The following MDN1 variants were observed in gnomAD, a reference collection of about 807,000 sequenced individuals.
The protein encoded by MDN1 is midasin.
A neutral mutation model predicts 669.2 loss-of-function variants in MDN1; 266 were observed. That is an observed-to-expected ratio of 0.40 (90% CI 0.36 to 0.44). The LOEUF is 0.44. MDN1 is among the 20% of genes least tolerant of loss of function. The probability of loss-of-function intolerance (pLI) is 1.00; values close to 1 mark genes in which losing one functional copy is unlikely to be tolerated. For missense variants in MDN1, 5,940 were observed against 6,754.0 expected (o/e 0.88, Z 4.22); for synonymous variants, 2,385 against 2,457.1 (o/e 0.97, Z 0.87).
Position 89,642,552 on chromosome 6 carries a change from T to G in MDN1, c.*1453A>C, listed in dbSNP as rs575164389. 1 of 152,348 alleles carries G rather than the reference T, an allele frequency of 6.6e-6. No homozygotes were observed. Among genetic ancestry groups the G allele is most frequent in the East Asian group, 1.9e-4 (1 of 5,184 alleles). The allele number at this position is 152,348 out of a possible 1,614,324, so 9.4% of individuals were successfully genotyped here. ...AGCCTCCTTATAAGGCTACACCAAC[T>G]CATCCTTTTCATTCTGCTGCAAAGC... On this transcript the variant is annotated 3_prime_UTR_variant, in exon 102 of 102. Transcript: ENST00000369393.
intron 66 of MDN1, 100 bp downstream of exon 66, chr6:89,688,473 G>A (rs1812166936): frequency 9.7e-7 from 1 of 1,031,870 alleles, no homozygotes; most frequent in Admixed American, 2.5e-5. Flanking sequence ...TTGTTTATAT[G>A]TATATATGTG....
Position 89,727,860 on chromosome 6 carries a change from C to T in MDN1, c.5445G>A (p.Lys1815=), listed in dbSNP as rs780569160. 6.2e-7 allele frequency: 1 copy of T among 1,614,010 alleles called. No individual in the cohort carries two copies. The highest frequency in any genetic ancestry group is 1.1e-5 in the South Asian group (1 of 91,080). Residue 1815 remains lysine, a synonymous_variant, in exon 37 of 102, where the codon AAG becomes AAA. Coordinates refer to ENST00000369393, the MANE Select transcript of MDN1 (RefSeq NM_014611.3). ...WRDGPLLAAL[K]AGHWVVLDEL... ...CATCCAACACCACCCAATGGCCTGC[C>T]TTCAAAGCTGCCAGTAAGGGGCCAT...
intron 2 of MDN1, among the ~76,000 whole-genome samples, chr6:89,802,176 C>T (rs1055252402): frequency 3.9e-5 from 6 of 152,046 alleles, no homozygotes; most frequent in African/African-American, 4.8e-5. Flanking sequence ...CTCAGAGTCC[C>T]GATCTTTACT....
At chr6:89,798,006 C>T (rs1271271024) in intron 2 of MDN1, 1 of 154,566 alleles carries the variant, frequency 6.5e-6, no homozygotes, top group Non-Finnish European at 1.4e-5. Flanking sequence ...CGGTGAAACC[C>T]CATCTCTACT....
At position 89,667,991 on chromosome 6, in the gene MDN1, T is replaced by C. The variant is rs367916115; in HGVS notation, c.14094+23A>G. On this transcript the variant is annotated intron_variant, in intron 84 of 101. Coordinates refer to ENST00000369393, the MANE Select transcript of MDN1 (RefSeq NM_014611.3). ...AGAAAGAGAGTGATCTTCTGTCAAC[T>C]GTATACCTATGTGAAAACGTACCTG... The C allele has an allele frequency of 3.1e-6, 5 of 1,612,280 alleles. No individual in the cohort carries two copies. The African/African-American group carries it at 6.7e-5, about 22-fold the overall frequency.
chr6:89,657,692 C>T (rs936527790), intron 90 of MDN1, among the ~76,000 whole-genome samples: 3 of 152,120 alleles, frequency 2.0e-5, no homozygotes, highest in Non-Finnish European at 2.9e-5. Context: ...TAAATACAGC[C>T]GATATTCCGG....
rs781466607 is a variant in MDN1, at chr6:89,692,989, G to A, written c.10041C>T (p.Leu3347=). ...TGTGGAGGGCCTGCAGAAGCCGTGT[G>A]AGCAGATCCTGAACAGCAGGGGCCT... ...IAKAPAVQDL[L]TRLLQALHID... Residue 3347 remains leucine (L), a synonymous_variant, in exon 63 of 102, where the codon CTC becomes CTT. Transcript: ENST00000369393. 1 of 1,614,104 alleles carries A rather than the reference G, an allele frequency of 6.2e-7. No individual in the cohort carries two copies. The highest frequency in any genetic ancestry group is 8.5e-7 in the Non-Finnish European group (1 of 1,180,040).
intron 34 of MDN1, among the ~76,000 whole-genome samples, chr6:89,731,568 A>T (rs1297960230): frequency 2.6e-5 from 4 of 151,816 alleles, no homozygotes; most frequent in Admixed American, 2.6e-4. Context: ...ATGAGAACAC[A>T]TGGACACAGG....
At chr6:89,766,162 G>C (rs1817790853) in intron 15 of MDN1, among the ~76,000 whole-genome samples, 1 of 152,104 alleles carries the variant, frequency 6.6e-6, no homozygotes, top group African/African-American at 2.4e-5. Flanking sequence ...AGCCGGGCCT[G>C]GTGGCGGGCC....
chr6:89,689,514 C>G (rs6454770), intron 65 of MDN1, among the ~76,000 whole-genome samples: 135,302 of 152,222 alleles, frequency 0.89, 60,454 homozygotes, highest in East Asian at 1. Context: ...TATTTCATTT[C>G]AAAAGCACTA....
chr6:89,768,047 AC>A (rs1449544441), intron 15 of MDN1, among the ~76,000 whole-genome samples: 1 of 152,050 alleles, frequency 6.6e-6, no homozygotes, highest in Non-Finnish European at 1.5e-5. Context: ...CAAAAAAAAA[AC>A]AAAAATAATT....
intron 9 of MDN1, among the ~76,000 whole-genome samples, chr6:89,782,913 A>G (rs2128324925): frequency 6.6e-6 from 1 of 152,272 alleles, no homozygotes; most frequent in South Asian, 2.1e-4. Flanking sequence ...CCCAAATAAT[A>G]CTTTTATAAT....
chr6:89,786,924 C>CAAA (rs35077997), intron 8 of MDN1, among the ~76,000 whole-genome samples: 7 of 76,576 alleles, frequency 9.1e-5, no homozygotes, highest in South Asian at 4.6e-4. Context: ...GACTCCATCT[C>CAAA]AAAAAAAAAA....
At chr6:89,773,066 T>G (rs986847348) in intron 13 of MDN1, among the ~76,000 whole-genome samples, 1 of 152,202 alleles carries the variant, frequency 6.6e-6, no homozygotes, top group Non-Finnish European at 1.5e-5. Flanking sequence ...AGTACCTAGT[T>G]GTAATAGGTT....
chr6:89,722,967 C>G lies in MDN1; in HGVS notation c.5955G>C (p.Glu1985Asp), dbSNP rs1324059705. 6.3e-7 allele frequency: 1 copy of G among 1,598,362 alleles called. No homozygotes were observed. ...LVYGERMRTE[E>D]DKKKVIAVFK... ...GCGTGAAACTCACCTTTTTTTTGTC[C>G]TCTTCGGTTCTCATTCTTTCACCAT... The change falls in exon 40 of 102, where the codon GAG (glutamate) becomes GAC (aspartate). Residue 1985 changes from glutamate to aspartate, a missense_variant. Physicochemically the swap from Glu to Asp is conservative, Grantham distance 45 (BLOSUM62 2). Coordinates refer to ENST00000369393, the MANE Select transcript of MDN1 (RefSeq NM_014611.3).
At chr6:89,796,929 G>A (rs957945873) in intron 2 of MDN1, among the ~76,000 whole-genome samples, 10 of 151,980 alleles carry the variant, frequency 6.6e-5, no homozygotes, top group Admixed American at 3.9e-4. Flanking sequence ...TTAGCCAGGC[G>A]TGGTTATGCA....
chr6:89,690,943 A>C, intron 63 of MDN1, 109 bp from the exon 64 acceptor site: 1 of 1,314,676 alleles, frequency 7.6e-7, no homozygotes, highest in East Asian at 2.4e-5. Flanking sequence ...TGACTCAAAA[A>C]CAAATAAAAG....
At chr6:89,705,618 T>C (rs974849205) in intron 53 of MDN1, among the ~76,000 whole-genome samples, 3 of 152,150 alleles carry the variant, frequency 2.0e-5, no homozygotes, top group Non-Finnish European at 2.9e-5. Flanking sequence ...CAAATCACAA[T>C]GCTGAGTGAA....
In MDN1 at chr6:89,673,220, G is replaced by A. The variant is rs903664135; in HGVS notation, c.13474+16C>T. 10 of 1,592,988 alleles carry A rather than the reference G, an allele frequency of 6.3e-6. No homozygotes were observed. The highest frequency in any genetic ancestry group is 5.5e-5 in the South Asian group (5 of 90,628). On this transcript the variant is annotated intron_variant, in intron 80 of 101. Coordinates refer to ENST00000369393, the MANE Select transcript of MDN1 (RefSeq NM_014611.3). ...TACACTGGACTTTCATTCCCTGACT[G>A]AACAATATTCCTTACCTCCTTGGCT...
Sources: gnomAD v4.1 joint callset for allele counts (sites outside exome capture counted in the v4.1 genomes callset) on GRCh38, gnomAD v4.1.1 for gene constraint, MANE v1.5 for transcripts, NCBI Gene and HGNC (gene_info 2026-07-23, HGNC 2026-07-21) for gene names.